Variants in SLC37A3 observed in about 807,000 individuals in gnomAD.
SLC37A3 encodes sugar phosphate exchanger 3.
A neutral mutation model predicts 67.1 loss-of-function variants in SLC37A3; 51 were observed. The ratio of observed to expected loss-of-function variants is 0.76; its 90% CI spans 0.61 to 0.96. SLC37A3 has a LOEUF of 0.96. SLC37A3 is among the 40% of genes least tolerant of loss of function. The pLI is 0.00. For synonymous variants in SLC37A3, 214 were observed against 231.4 expected (o/e 0.92, Z 0.68); for missense variants, 508 against 603.0 (o/e 0.84, Z 1.65).
At chr7:140,340,906 T>C (rs1182867121) in intron 13 of SLC37A3, among the ~76,000 whole-genome samples, 1 of 149,362 alleles carries the variant, frequency 6.7e-6, no homozygotes, top group African/African-American at 2.5e-5. Context: ...CACTCCAGCC[T>C]GGGCATAAGA....
At chr7:140,364,698 CAA>C (rs1257908428) in intron 4 of SLC37A3, among the ~76,000 whole-genome samples, 3 of 141,896 alleles carry the variant, frequency 2.1e-5, no homozygotes, top group Non-Finnish European at 4.6e-5. Context: ...ACAGTGAAAA[CAA>C]AAAAGTTATG....
At chr7:140,362,417 GT>G (rs1339712657) in intron 5 of SLC37A3, among the ~76,000 whole-genome samples, 1 of 66,156 alleles carries the variant, frequency 1.5e-5, no homozygotes, top group Non-Finnish European at 3.5e-5. Flanking sequence ...CGGGAGGGAG[GT>G]GGGGGGGGGG....
At chr7:140,395,379 TAAAAAAAAA>T (rs35674101) in intron 1 of SLC37A3, among the ~76,000 whole-genome samples, 25 of 77,802 alleles carry the variant, frequency 3.2e-4, no homozygotes, top group East Asian at 2.6e-3. Flanking sequence ...CATCTCAAAT[TAAAAAAAAA>T]AAAAAAAAAA....
chr7:140,367,820 C>CTTTT lies in SLC37A3; in HGVS notation c.291+1766_291+1769dup, dbSNP rs34092614. ...GCTACCTCTCCAGGATCCCACCTTC[C>CTTTT]TTTTTTTTTTTTTTTTTGAGATGGA... On this transcript the variant is annotated intron_variant, in intron 4 of 14. Transcript: ENST00000326232. 1.8e-3 allele frequency among the ~76,000 whole-genome samples: 233 copies of CTTTT among 129,980 alleles called. 8 individuals carry two copies. In the South Asian group the frequency reaches 0.035, roughly 20 times the overall value. The allele number at this position is 129,980 out of a possible 152,430, so 85.3% of individuals were successfully genotyped here.
At chr7:140,388,602 G>C (rs1018843138) in intron 1 of SLC37A3, among the ~76,000 whole-genome samples, 1 of 152,026 alleles carries the variant, frequency 6.6e-6, no homozygotes, top group Non-Finnish European at 1.5e-5. Context: ...CACGAAGTCA[G>C]GGGTTCGAGA....
At chr7:140,351,680 T>C (rs1009071173) in intron 8 of SLC37A3, 1 of 576,900 alleles carries the variant, frequency 1.7e-6, no homozygotes, top group African/African-American at 1.9e-5. Flanking sequence ...GTTTCATTTG[T>C]ATGTAATCTG....
intron 3 of SLC37A3, among the ~76,000 whole-genome samples, chr7:140,370,290 T>C (rs889644984): frequency 2.2e-4 from 33 of 152,170 alleles, no homozygotes; most frequent in African/African-American, 8.0e-4. Context: ...ATGTGTATCA[T>C]TGGAATGCTC....
At chr7:140,350,159 C>T (rs1285092654) in intron 9 of SLC37A3, among the ~76,000 whole-genome samples, 1 of 152,112 alleles carries the variant, frequency 6.6e-6, no homozygotes, top group African/African-American at 2.4e-5. Flanking sequence ...GTTCAAAACA[C>T]AACAGCCCAA....
intron 3 of SLC37A3, among the ~76,000 whole-genome samples, chr7:140,375,644 C>T (rs969384707): frequency 1.3e-5 from 2 of 152,194 alleles, no homozygotes; most frequent in South Asian, 4.2e-4. Flanking sequence ...CTCAATAATC[C>T]AGCTTACGAA....
chr7:140,394,580 C>T (rs1038868628), intron 1 of SLC37A3, among the ~76,000 whole-genome samples: 2 of 149,246 alleles, frequency 1.3e-5, no homozygotes, highest in African/African-American at 4.9e-5. Context: ...CATGACTGCA[C>T]CACTGCACTC....
At chr7:140,337,070 G>C (rs1341236390) in intron 14 of SLC37A3, among the ~76,000 whole-genome samples, 1 of 135,906 alleles carries the variant, frequency 7.4e-6, no homozygotes, top group African/African-American at 2.9e-5. Context: ...CCACACTTCA[G>C]CCTGGGCAAC....
chr7:140,356,539 G>C (rs1797035735), intron 6 of SLC37A3, among the ~76,000 whole-genome samples: 2 of 151,888 alleles, frequency 1.3e-5, no homozygotes, highest in African/African-American at 4.8e-5. Flanking sequence ...AAAATTAGCT[G>C]CACATGGTGG....
At chr7:140,356,196 A>C (rs12534527) in intron 6 of SLC37A3, among the ~76,000 whole-genome samples, 71 of 63,364 alleles carry the variant, frequency 1.1e-3, no homozygotes, top group Non-Finnish European at 1.8e-3. Context: ...TCCACCTCCC[A>C]AAAAAAAAAA....
chr7:140,373,746 C>A (rs530126174), intron 3 of SLC37A3, among the ~76,000 whole-genome samples: 1 of 149,808 alleles, frequency 6.7e-6, no homozygotes, highest in African/African-American at 2.5e-5. Context: ...TGGGCTCAAG[C>A]GATCCAGCAT....
Position 140,369,628 on chromosome 7 carries a change from C to A in SLC37A3, c.253G>T (p.Gly85Cys). ...AAGAGGAAAATGGTATCCAGTGTGC[C>A]GAGGAAAAGAGTCGCTTTCTCTGCA... ...PSAEKATLFLGTLDTIFLFSY... is the reference protein window; with the variant it reads ...PSAEKATLFLCTLDTIFLFSY... The change falls in exon 4 of 15, where the codon GGC becomes TGC. Residue 85 changes from glycine (G) to cysteine (C), a missense_variant. By Grantham distance (159) the Gly-to-Cys change is radical. Transcript: ENST00000326232. 1 of 1,613,888 alleles carries A rather than the reference C, an allele frequency of 6.2e-7. No homozygotes were observed.
chr7:140,382,482 C>G lies in SLC37A3; in HGVS notation c.45G>C (p.Gln15His). The G allele has an allele frequency of 6.2e-7, 1 of 1,614,132 alleles. No individual in the cohort carries two copies. The highest frequency in any genetic ancestry group is 1.3e-5 in the African/African-American group (1 of 75,042). ...ACACTACAACATGATGATGGCTGAA[C>G]TGGGACAGCAGAGACCCTCTTTGAA... is the stretch of plus-strand genomic sequence containing the variant. ...NVFQRGSLLS[Q>H]FSHHHVVVFL... The change falls in exon 2 of 15, where the codon CAG becomes CAC. Residue 15 changes from glutamine (Q) to histidine (H), a missense_variant. Transcript: ENST00000326232.
At chr7:140,345,081 G>A (rs1160249189) in intron 12 of SLC37A3, 135 bp downstream of exon 12, 13 of 736,054 alleles carry the variant, frequency 1.8e-5, no homozygotes, top group Middle Eastern at 2.4e-4. Flanking sequence ...AAAAGGAGGC[G>A]TTTTTCCTTT....
chr7:140,385,433 C>T (rs1245943689), intron 1 of SLC37A3, among the ~76,000 whole-genome samples: 1 of 152,184 alleles, frequency 6.6e-6, no homozygotes, highest in Non-Finnish European at 1.5e-5. Flanking sequence ...AAACTCAAAA[C>T]TTTAATCATT....
At chr7:140,394,330 T>C (rs1798835142) in intron 1 of SLC37A3, among the ~76,000 whole-genome samples, 1 of 151,838 alleles carries the variant, frequency 6.6e-6, no homozygotes, top group South Asian at 2.1e-4. Context: ...TAGAAAGTAA[T>C]CTCTAGGTCT....
Sources: allele counts gnomAD v4.1 joint callset (sites outside exome capture counted in the v4.1 genomes callset), GRCh38; gene constraint gnomAD v4.1.1; transcripts MANE v1.5; gene names NCBI Gene and HGNC (gene_info 2026-07-23, HGNC 2026-07-21).